CELF2: variants seen among roughly 807,000 people sequenced by gnomAD.
CELF2 encodes the protein CUGBP Elav-like family member 2.
CELF2 carries 8 observed loss-of-function variants against 62.6 expected under a neutral mutation model. That is an observed-to-expected ratio of 0.13 (90% CI 0.07 to 0.23). The LOEUF (loss-of-function observed/expected upper bound fraction) is 0.23. Ranked by LOEUF, CELF2 falls within the 10% of genes least tolerant of loss-of-function variation. The pLI is 1.00. For synonymous variants in CELF2, 258 were observed against 250.0 expected, an observed-to-expected ratio of 1.03 and a Z score of -0.30; for missense variants, 333 against 671.0, an observed-to-expected ratio of 0.50 and a Z score of 5.56.
chr10:10,917,837 C>T (rs1174997114), intron 1 of CELF2: 1 of 152,090 alleles, frequency 6.6e-6, no homozygotes, highest in Non-Finnish European at 1.5e-5. Context: ...TTATTTTGCT[C>T]AAAATAATGT....
the CELF2 span, among the ~76,000 whole-genome samples, chr10:10,506,541 T>A: frequency 6.6e-6 from 1 of 152,070 alleles, no homozygotes; most frequent in Non-Finnish European, 1.5e-5. Context: ...CTGTTTTCCC[T>A]TAAGAAAGAG....
intron 1 of CELF2, among the ~76,000 whole-genome samples, chr10:11,152,000 G>A (rs757110848): frequency 6.6e-6 from 1 of 152,202 alleles, no homozygotes; most frequent in Non-Finnish European, 1.5e-5. Flanking sequence ...GCTGTTCAGG[G>A]AACAAGAATT....
At chr10:10,761,543 A>T in the CELF2 span, among the ~76,000 whole-genome samples, 3 of 152,176 alleles carry the variant, frequency 2.0e-5, no homozygotes, top group Non-Finnish European at 4.4e-5. Context: ...TTAATGTTTG[A>T]ATCAGTAGAC....
Position 10,983,542 on chromosome 10 carries a change from G to T in CELF2, c.89+63543G>T, listed in dbSNP as rs1431651614. ...TTATGCTATGATGGGTGCTACCGAAGATACATCCGTAGTTTTTGTTTTTGG... is the reference window on the plus strand; with the variant it reads ...TTATGCTATGATGGGTGCTACCGAATATACATCCGTAGTTTTTGTTTTTGG... On this transcript the variant is annotated intron_variant, in intron 2 of 13. Transcript: ENST00000636488. This position sits in a 1 kb window ranked among gnomAD's most constrained non-coding sequence, Gnocchi z 5.2. Among the ~76,000 whole-genome samples, 1 of 152,138 alleles carries T rather than the reference G, an allele frequency of 6.6e-6. No homozygotes were observed. The highest frequency in any genetic ancestry group is 1.5e-5 in the Non-Finnish European group (1 of 68,014).
chr10:11,036,857 C>T (rs7093177), intron 1 of CELF2, among the ~76,000 whole-genome samples: 61,220 of 151,726 alleles, frequency 0.4, 12,849 homozygotes, highest in East Asian at 0.77. Flanking sequence ...GTGTATTTGG[C>T]AATTTGTCTC....
rs2096063347 is a variant in CELF2, at chr10:11,333,283, TATCTTTTA to T, written c.*4233_*4240del. ...GACAAACTGTCCTTCTATCCACTTT[TATCTTTTA>T]ATAAATATCAAAAGGAAAAAGCTGC... is the stretch of plus-strand genomic sequence containing the variant. On this transcript the variant is annotated 3_prime_UTR_variant, in exon 13 of 13. Transcript: ENST00000633077. 6.6e-6 allele frequency: 1 copy of T among 152,618 alleles called. No homozygotes were observed. The highest frequency in any genetic ancestry group is 1.5e-5 in the Non-Finnish European group (1 of 68,052). The allele number at this position is 152,618 out of a possible 1,614,324, so 9.5% of individuals were successfully genotyped here. A position where few individuals can be genotyped will look rare whatever the true frequency, so the allele number is the denominator to read the frequency against.
the CELF2 span, among the ~76,000 whole-genome samples, chr10:10,746,466 G>A: frequency 6.6e-6 from 1 of 152,154 alleles, no homozygotes; most frequent in Non-Finnish European, 1.5e-5. Flanking sequence ...AGATTGATTA[G>A]CCATTTTATA....
At chr10:11,049,448 G>A (rs1032962732) in intron 1 of CELF2, among the ~76,000 whole-genome samples, 11 of 146,278 alleles carry the variant, frequency 7.5e-5, no homozygotes, top group Admixed American at 6.0e-4. Flanking sequence ...GAAAATAGAT[G>A]GGGGAGAGGT....
the CELF2 span, among the ~76,000 whole-genome samples, chr10:10,715,699 A>G: frequency 1.3e-5 from 2 of 152,126 alleles, no homozygotes; most frequent in African/African-American, 4.8e-5. Flanking sequence ...CCCTTACACA[A>G]CCATCATTTT....
In CELF2 at chr10:11,280,760, G is replaced by A. The variant is rs1364035959; in HGVS notation, c.841+5640G>A. ...GTGGACAGAGGCCGCTCTGGGTGGG[G>A]GAAACGGTGCCCTCACTGCCCTCCA... On this transcript the variant is annotated intron_variant, in intron 8 of 12. Transcript: ENST00000633077. This position sits in a 1 kb window ranked among gnomAD's most constrained non-coding sequence, Gnocchi z 7.6. 2.0e-5 allele frequency among the ~76,000 whole-genome samples: 3 copies of A among 152,166 alleles called. No homozygotes were observed. Among genetic ancestry groups the A allele is most frequent in the African/African-American group, 7.2e-5 (3 of 41,450 alleles).
At chr10:10,964,826 A>G (rs2049942014) in intron 2 of CELF2, among the ~76,000 whole-genome samples, 1 of 152,222 alleles carries the variant, frequency 6.6e-6, no homozygotes, top group South Asian at 2.1e-4. Flanking sequence ...TTTATATAAC[A>G]TTTTAAACTT....
chr10:10,782,706 G>C, the CELF2 span, among the ~76,000 whole-genome samples: 3 of 152,100 alleles, frequency 2.0e-5, no homozygotes, highest in Non-Finnish European at 4.4e-5. Context: ...TCCTGAATGC[G>C]CCACTTTCTG....
chr10:11,104,619 C>G (rs2773483), intron 1 of CELF2, among the ~76,000 whole-genome samples: 9,729 of 152,254 alleles, frequency 0.064, 456 homozygotes, highest in African/African-American at 0.12. Context: ...GAGGCCGATA[C>G]TGCCCTAAGA....
At chr10:11,073,782 G>A (rs867297934) in intron 1 of CELF2, among the ~76,000 whole-genome samples, 12 of 152,192 alleles carry the variant, frequency 7.9e-5, no homozygotes, top group Non-Finnish European at 1.8e-4. Context: ...GCTGCAGGGT[G>A]GTGGCTGGGA....
chr10:10,569,145 T>C, the CELF2 span, among the ~76,000 whole-genome samples: 2 of 152,142 alleles, frequency 1.3e-5, no homozygotes, highest in Non-Finnish European at 2.9e-5. Context: ...TTTTCTGGGA[T>C]TTGGTAAGTT....
rs566668115 is a variant in CELF2, at chr10:11,008,824, G to C, written c.53+3384G>C. On this transcript the variant is annotated intron_variant, in intron 1 of 12. Coordinates refer to the CELF2 transcript ENST00000416382. The surrounding 1 kb of genome is among the most constrained non-coding windows in gnomAD (Gnocchi z 4.5). Reference sequence around the variant, plus strand: ...TAGATTTCTTTGTATGGAGATTTCTGTAACAGTCATTAACAGAATGCAGTT... The same window carrying C: ...TAGATTTCTTTGTATGGAGATTTCTCTAACAGTCATTAACAGAATGCAGTT... Among the ~76,000 whole-genome samples, 1 of 152,248 alleles carries C rather than the reference G, an allele frequency of 6.6e-6. No individual in the cohort carries two copies. The highest frequency in any genetic ancestry group is 2.4e-5 in the African/African-American group (1 of 41,548).
the CELF2 span, among the ~76,000 whole-genome samples, chr10:10,781,913 A>G: frequency 6.6e-6 from 1 of 152,238 alleles, no homozygotes; most frequent in African/African-American, 2.4e-5. Context: ...AATGATTAAA[A>G]TAAAAGGTAA....
the CELF2 span, among the ~76,000 whole-genome samples, chr10:10,715,703 T>C: frequency 6.6e-6 from 1 of 152,178 alleles, no homozygotes; most frequent in African/African-American, 2.4e-5. Flanking sequence ...TACACAACCA[T>C]CATTTTCCCA....
At chr10:10,559,746 A>T in the CELF2 span, among the ~76,000 whole-genome samples, 2 of 152,196 alleles carry the variant, frequency 1.3e-5, no homozygotes, top group African/African-American at 4.8e-5. Flanking sequence ...ATTCATAGCA[A>T]ATAACAAGAA....
Sources: gnomAD v4.1 joint callset for allele counts (sites outside exome capture counted in the v4.1 genomes callset) on GRCh38, gnomAD v4.1.1 for gene constraint, Gnocchi (gnomAD v3.1) non-coding constraint, MANE v1.5 for transcripts, NCBI Gene and HGNC (gene_info 2026-07-23, HGNC 2026-07-21) for gene names.